Variants in KHDRBS2 observed in about 807,000 individuals in gnomAD.
KHDRBS2 encodes the protein KH RNA binding domain containing, signal transduction associated 2.
A neutral mutation model predicts 44.3 loss-of-function variants in KHDRBS2; 26 were observed. The observed-to-expected ratio is 0.59, with a 90% CI of 0.43 to 0.81. KHDRBS2 has a LOEUF of 0.81. Ranked by LOEUF, KHDRBS2 falls within the 40% of genes least tolerant of loss-of-function variation. KHDRBS2 has a pLI of 0.00. For missense variants in KHDRBS2, 476 were observed against 433.1 expected (o/e 1.10, Z -0.88); for synonymous variants, 194 against 151.1 (o/e 1.28, Z -2.08).
chr6:62,140,288 G>A (rs1812516405), intron 2 of KHDRBS2, among the ~76,000 whole-genome samples: 1 of 152,172 alleles, frequency 6.6e-6, no homozygotes, highest in African/African-American at 2.4e-5. Flanking sequence ...CAAGAGATGA[G>A]GCAGAAGAGC....
chr6:61,905,723 AT>A (rs1325695633), intron 4 of KHDRBS2, among the ~76,000 whole-genome samples: 2 of 152,190 alleles, frequency 1.3e-5, no homozygotes, highest in African/African-American at 4.8e-5. Context: ...TATCTTTATC[AT>A]TAAATGTTAA....
At chr6:62,081,211 T>G (rs1797326699) in intron 2 of KHDRBS2, among the ~76,000 whole-genome samples, 1 of 152,106 alleles carries the variant, frequency 6.6e-6, no homozygotes, top group South Asian at 2.1e-4. Context: ...AATGTCACAT[T>G]TATACAGAAA....
chr6:62,053,038 T>C (rs915111796), intron 2 of KHDRBS2, among the ~76,000 whole-genome samples: 4 of 152,222 alleles, frequency 2.6e-5, no homozygotes, highest in Non-Finnish European at 1.5e-5. Context: ...ATGATGGATA[T>C]GTCAGTTTGC....
chr6:62,004,588 G>A (rs1177866290), intron 3 of KHDRBS2, among the ~76,000 whole-genome samples: 2 of 152,090 alleles, frequency 1.3e-5, no homozygotes, highest in Admixed American at 6.6e-5. Flanking sequence ...GGTACAAAGA[G>A]GAGCTGGTAC....
intron 4 of KHDRBS2, among the ~76,000 whole-genome samples, chr6:61,949,161 G>A (rs1169075455): frequency 6.6e-6 from 1 of 152,078 alleles, no homozygotes; most frequent in African/African-American, 2.4e-5. Flanking sequence ...TGGTAATTAT[G>A]TTTAAGTAGG....
chr6:62,078,092 G>C (rs984640548), intron 2 of KHDRBS2, among the ~76,000 whole-genome samples: 7 of 151,990 alleles, frequency 4.6e-5, no homozygotes, highest in Admixed American at 1.3e-4. Context: ...AAGAGTATCT[G>C]CATAACACCT....
At position 61,767,606 on chromosome 6, in the gene KHDRBS2, T is replaced by A. The variant is rs1780201660; in HGVS notation, c.811-34842A>T. Among the ~76,000 whole-genome samples the A allele has an allele frequency of 2.0e-5, 3 of 152,266 alleles. 1 individual carries two copies. In the South Asian group the frequency reaches 6.2e-4, roughly 32 times the overall value. On this transcript the variant is annotated intron_variant, in intron 6 of 8. Transcript: ENST00000281156. ...GGTGATTTTCTCTGGTAGTATATTT[T>A]AATTTCTTGCTTTTTATTTTTTGTG...
chr6:61,771,017 G>T (rs1451200529), intron 6 of KHDRBS2, among the ~76,000 whole-genome samples: 3 of 152,208 alleles, frequency 2.0e-5, no homozygotes, highest in Non-Finnish European at 2.9e-5. Flanking sequence ...CCAGAAGAGA[G>T]TGGGGGCCAA....
At chr6:61,907,810 T>G (rs9360162) in intron 4 of KHDRBS2, among the ~76,000 whole-genome samples, 61,981 of 152,014 alleles carry the variant, frequency 0.41, 12,844 homozygotes, top group Admixed American at 0.49. Flanking sequence ...TGAATTAATC[T>G]TCATTCATTA....
the KHDRBS2 span, among the ~76,000 whole-genome samples, chr6:61,569,909 C>A: frequency 6.6e-6 from 1 of 152,124 alleles, no homozygotes; most frequent in African/African-American, 2.4e-5. Flanking sequence ...CCCCATGAGA[C>A]AAAAGAATAT....
At position 61,680,946 on chromosome 6, in the gene KHDRBS2, A is replaced by C. The variant is rs1213342324; in HGVS notation, c.*17T>G. The C allele has an allele frequency of 1.3e-6, 2 of 1,536,786 alleles. No individual in the cohort carries two copies. Among genetic ancestry groups the C allele is most frequent in the African/African-American group, 2.7e-5 (2 of 73,478 alleles). The stretch of plus-strand genomic sequence containing the variant: ...TATGAATTGTCTTTGAGGTGAGGTC[A>C]CAGGTGGGAAGGACCTTCAATATCT... On this transcript the variant is annotated 3_prime_UTR_variant, in exon 9 of 9. Transcript: ENST00000281156.
intron 2 of KHDRBS2, among the ~76,000 whole-genome samples, chr6:62,102,934 G>A (rs1474193668): frequency 6.6e-6 from 1 of 152,204 alleles, no homozygotes; most frequent in African/African-American, 2.4e-5. Context: ...GAGCATGGCA[G>A]AGAGGAACTT....
Position 62,111,748 on chromosome 6 carries a change from G to C in KHDRBS2, c.220-63754C>G, listed in dbSNP as rs552490009. On this transcript the variant is annotated intron_variant, in intron 2 of 8. Coordinates refer to ENST00000281156, the MANE Select transcript of KHDRBS2 (RefSeq NM_152688.4). ...AATTAGAAAATTAGCCGAGTATGGT[G>C]GCACACTTCTGTAGTCCTAGCTACA... Among the ~76,000 whole-genome samples the C allele has an allele frequency of 2.0e-5, 3 of 152,114 alleles. No individual in the cohort carries two copies. In the East Asian group the frequency reaches 5.8e-4, roughly 29 times the overall value.
Position 61,901,341 on chromosome 6 carries a change from G to A in KHDRBS2, c.514C>T (p.Leu172=). 6.2e-7 allele frequency: 1 copy of A among 1,612,736 alleles called. No homozygotes were observed. Among genetic ancestry groups the A allele is most frequent in the East Asian group, 2.2e-5 (1 of 44,818 alleles). Residue 172 remains leucine, a synonymous_variant, in exon 5 of 9, where the codon CTA becomes TTA. Transcript: ENST00000281156. ...DYNDEIRQEQ[L]RELSYLNGSE... Reference sequence around the variant, plus strand: ...CCATTTAAGTAAGATAATTCACGTAGTTGTTCCTGACGAATTTCATCATTG... The same window carrying A: ...CCATTTAAGTAAGATAATTCACGTAATTGTTCCTGACGAATTTCATCATTG...
At chr6:62,102,035 A>C (rs1340665962) in intron 2 of KHDRBS2, among the ~76,000 whole-genome samples, 2 of 152,192 alleles carry the variant, frequency 1.3e-5, no homozygotes, top group African/African-American at 4.8e-5. Context: ...TAGTTATGTC[A>C]TTGTTTCAGG....
intron 7 of KHDRBS2, among the ~76,000 whole-genome samples, chr6:61,720,694 G>C (rs1772320252): frequency 6.6e-6 from 1 of 152,146 alleles, no homozygotes; most frequent in Non-Finnish European, 1.5e-5. Flanking sequence ...TGTTAGACGA[G>C]TAGGTTGCGA....
In KHDRBS2 at chr6:61,967,932, G is replaced by GTATATATATATA. The variant is rs369326330; in HGVS notation, c.483+10122_483+10133dup. Among the ~76,000 whole-genome samples, 88 of 117,002 alleles carry GTATATATATATA rather than the reference G, an allele frequency of 7.5e-4. 2 individuals carry two copies. Among genetic ancestry groups the GTATATATATATA allele is most frequent in the African/African-American group, 2.9e-3 (85 of 29,264 alleles). 76.8% of individuals were successfully genotyped at this position (117,002 alleles called of 152,430 possible). The stretch of plus-strand genomic sequence containing the variant: ...TATATATACACATGCATACACACAC[G>GTATATATATATA]TATATATATATATATATATATATAT... On this transcript the variant is annotated intron_variant, in intron 4 of 8. Coordinates refer to ENST00000281156, the MANE Select transcript of KHDRBS2 (RefSeq NM_152688.4).
the KHDRBS2 span, among the ~76,000 whole-genome samples, chr6:61,599,286 G>A: frequency 2.0e-5 from 3 of 152,016 alleles, no homozygotes; most frequent in Admixed American, 2.0e-4. Flanking sequence ...CAATAAAACA[G>A]CTGTTTAAGA....
chr6:61,821,652 G>C (rs1789930903), intron 6 of KHDRBS2, among the ~76,000 whole-genome samples: 1 of 151,978 alleles, frequency 6.6e-6, no homozygotes, highest in African/African-American at 2.4e-5. Context: ...AGAGTGATGA[G>C]TGTTGGAGAC....
Sources: allele counts gnomAD v4.1 joint callset (sites outside exome capture counted in the v4.1 genomes callset), GRCh38; gene constraint gnomAD v4.1.1; transcripts MANE v1.5; gene names NCBI Gene and HGNC (gene_info 2026-07-23, HGNC 2026-07-21).